The following F13A1 variants were observed in gnomAD, a reference collection of about 807,000 sequenced individuals.
F13A1 encodes FSF, A subunit.
Under a neutral mutation model 80.1 loss-of-function variants are expected in F13A1, and 47 were observed. The ratio of observed to expected loss-of-function variants is 0.59; its 90% confidence interval spans 0.46 to 0.75. The LOEUF (loss-of-function observed/expected upper bound fraction) is 0.75. Among genes scored for constraint, F13A1 ranks in the 30% least tolerant of loss-of-function variants. The pLI is 0.00. For missense variants in F13A1, 817 were observed against 930.4 expected (o/e 0.88, Z 1.59); for synonymous variants, 349 against 344.9 (o/e 1.01, Z -0.13).
intron 6 of F13A1, among the ~76,000 whole-genome samples, chr6:6,233,180 GATAA>G (rs1267668298): frequency 6.6e-6 from 1 of 151,862 alleles, no homozygotes; most frequent in Non-Finnish European, 1.5e-5. Context: ...TATTTAAAAA[GATAA>G]ATAAAATTGA....
At chr6:6,217,502 G>C (rs1188690433) in intron 8 of F13A1, among the ~76,000 whole-genome samples, 4 of 137,434 alleles carry the variant, frequency 2.9e-5, no homozygotes, top group Non-Finnish European at 6.1e-5. Context: ...CACAGGAAGG[G>C]GAACATAACA....
chr6:6,307,345 C>G (rs7758057), intron 2 of F13A1, among the ~76,000 whole-genome samples: 61,897 of 152,002 alleles, frequency 0.41, 13,363 homozygotes, highest in African/African-American at 0.56. Flanking sequence ...CACTTTCTTT[C>G]CATTATGCTG....
intron 3 of F13A1, among the ~76,000 whole-genome samples, chr6:6,290,202 T>C: frequency 6.6e-6 from 1 of 152,342 alleles, no homozygotes. Context: ...AAACATACTC[T>C]TAACAATTAT....
At chr6:6,216,279 C>G (rs977385053) in intron 8 of F13A1, among the ~76,000 whole-genome samples, 1 of 151,896 alleles carries the variant, frequency 6.6e-6, no homozygotes, top group African/African-American at 2.4e-5. Flanking sequence ...TCAAACTATA[C>G]TACAAGGCTA....
intron 2 of F13A1, 195 bp from the exon 3 acceptor site, chr6:6,305,734 CT>C (rs1348539200): frequency 1.7e-6 from 1 of 602,440 alleles, no homozygotes; most frequent in Admixed American, 2.8e-5. Flanking sequence ...TTGAAGAGAG[CT>C]TTTTAAAGCT....
At chr6:6,170,929 C>T (rs1436592513) in intron 12 of F13A1, among the ~76,000 whole-genome samples, 4 of 152,138 alleles carry the variant, frequency 2.6e-5, no homozygotes, top group Non-Finnish European at 5.9e-5. Context: ...TCTCCAGTTC[C>T]CTTCAAGTTA....
At chr6:6,234,617 C>CAGTGAAAATGGTAATGTTTT in intron 6 of F13A1, among the ~76,000 whole-genome samples, 1 of 151,884 alleles carries the variant, frequency 6.6e-6, no homozygotes, top group Non-Finnish European at 1.5e-5. Context: ...AGGAGAGGAA[C>CAGTGAAAATGGTAATGTTTT]AGTGAAAATG....
At chr6:6,146,081 G>A (rs997558382) in intron 14 of F13A1, among the ~76,000 whole-genome samples, 15 of 152,096 alleles carry the variant, frequency 9.9e-5, no homozygotes, top group African/African-American at 2.4e-5. Flanking sequence ...CTGAACTCTA[G>A]CTTGTCTCCA....
rs1034036780 is a variant in F13A1, at chr6:6,162,615, G to A, written c.1908+4843C>T. Among the ~76,000 whole-genome samples the A allele has an allele frequency of 5.3e-5, 8 of 152,160 alleles. No homozygotes were observed. The highest frequency in any genetic ancestry group is 1.3e-4 in the Admixed American group (2 of 15,284). ...TGTCTCTCCTTCCCTCAACAGGCAC[G>A]TGATCACGGGCCAGTTACTAATAAA... On this transcript the variant is annotated intron_variant, in intron 13 of 14. Transcript: ENST00000264870. The surrounding 1 kb of genome is among the most constrained non-coding windows in gnomAD (Gnocchi z 4.2).
chr6:6,160,758 A>T (rs1197247893), intron 13 of F13A1, among the ~76,000 whole-genome samples: 1 of 152,206 alleles, frequency 6.6e-6, no homozygotes, highest in Non-Finnish European at 1.5e-5. Context: ...ATAAATAAAA[A>T]CTAGAAAGTC....
At position 6,243,096 on chromosome 6, in the gene F13A1, T is replaced by TACCACCATC. The variant is rs1757504458; in HGVS notation, c.798+5207_798+5215dup. ...ACAAATGAGTAAATACTGAGTGTTT[T>TACCACCATC]ACCACCATCACCACCACCACTACCA... On this transcript the variant is annotated intron_variant, in intron 6 of 14. Transcript: ENST00000264870. This position sits in a 1 kb window ranked among gnomAD's most constrained non-coding sequence, Gnocchi z 4.2. 6.6e-6 allele frequency among the ~76,000 whole-genome samples: 1 copy of TACCACCATC among 152,056 alleles called. No individual in the cohort carries two copies. Among genetic ancestry groups the TACCACCATC allele is most frequent in the Non-Finnish European group, 1.5e-5 (1 of 67,998 alleles).
At chr6:6,207,784 G>A (rs1261311921) in intron 8 of F13A1, among the ~76,000 whole-genome samples, 1 of 152,160 alleles carries the variant, frequency 6.6e-6, no homozygotes, top group Non-Finnish European at 1.5e-5. Flanking sequence ...ATTGTTATAT[G>A]ACCACTAAGC....
chr6:6,291,114 A>T (rs369351171), intron 3 of F13A1, among the ~76,000 whole-genome samples: 52 of 152,230 alleles, frequency 3.4e-4, no homozygotes, highest in Non-Finnish European at 6.3e-4. Flanking sequence ...CACCACCTAC[A>T]TCTTTAAATA....
At chr6:6,247,080 A>C (rs1561667002) in intron 6 of F13A1, among the ~76,000 whole-genome samples, 1 of 152,214 alleles carries the variant, frequency 6.6e-6, no homozygotes, top group Non-Finnish European at 1.5e-5. Context: ...TATGGAATGT[A>C]AATGCATAGG....
intron 6 of F13A1, among the ~76,000 whole-genome samples, chr6:6,244,468 T>C (rs1199608598): frequency 6.6e-6 from 1 of 152,178 alleles, no homozygotes; most frequent in Non-Finnish European, 1.5e-5. Context: ...GGTTATAATA[T>C]CTCAGGCCTA....
intron 7 of F13A1, among the ~76,000 whole-genome samples, chr6:6,223,619 G>T (rs1480029484): frequency 6.6e-6 from 1 of 151,754 alleles, no homozygotes; most frequent in African/African-American, 2.4e-5. Flanking sequence ...ATATTTAAAT[G>T]GCTAAGAAAA....
intron 8 of F13A1, among the ~76,000 whole-genome samples, chr6:6,202,611 TA>T (rs748790735): frequency 6.6e-6 from 1 of 152,176 alleles, no homozygotes; most frequent in South Asian, 2.1e-4. Context: ...CCCTTTAAAG[TA>T]AAAAAATTCT....
intron 8 of F13A1, among the ~76,000 whole-genome samples, chr6:6,221,046 G>T (rs942330472): frequency 1.3e-5 from 2 of 152,160 alleles, no homozygotes; most frequent in Non-Finnish European, 2.9e-5. Flanking sequence ...TTGGATGCTT[G>T]TATAACAGAA....
chr6:6,204,244 G>C (rs960177703), intron 8 of F13A1, among the ~76,000 whole-genome samples: 16 of 152,218 alleles, frequency 1.1e-4, no homozygotes, highest in Non-Finnish European at 1.9e-4. Context: ...AAATGTTTCA[G>C]AGAAAAGGAG....
Sources: gnomAD v4.1 joint callset for allele counts (sites outside exome capture counted in the v4.1 genomes callset) on GRCh38, gnomAD v4.1.1 for gene constraint, Gnocchi (gnomAD v3.1) non-coding constraint, MANE v1.5 for transcripts, NCBI Gene and HGNC (gene_info 2026-07-23, HGNC 2026-07-21) for gene names.